Variants in GATAD2B observed in about 807,000 individuals in gnomAD.
The protein encoded by GATAD2B is transcriptional repressor p66-beta.
A neutral mutation model predicts 64.3 loss-of-function variants in GATAD2B; 8 were observed. The ratio of observed to expected loss-of-function variants is 0.12; its 90% CI spans 0.07 to 0.22. The LOEUF (loss-of-function observed/expected upper bound fraction) is 0.22, where lower values mean the gene tolerates loss of function less well. Among genes scored for constraint, GATAD2B ranks in the 10% least tolerant of loss-of-function variants. The pLI, the probability that GATAD2B is intolerant of heterozygous loss-of-function variation, is 1.00. For synonymous variants in GATAD2B, 281 were observed against 271.3 expected, an observed-to-expected ratio of 1.04 and a Z score of -0.35; for missense variants, 453 against 752.0, an observed-to-expected ratio of 0.60 and a Z score of 4.65.
At chr1:153,835,340 T>C (rs776700542) in intron 1 of GATAD2B, among the ~76,000 whole-genome samples, 2 of 152,086 alleles carry the variant, frequency 1.3e-5, no homozygotes, top group African/African-American at 4.8e-5. Context: ...GTGGATAAAA[T>C]GGTATTAAAC....
Position 153,818,077 on chromosome 1 carries a change from G to T in GATAD2B, c.692C>A (p.Ala231Asp). ...CAAATTTTGAGGTTCAACCCCTTGG[G>T]CCCCAGGCCGAGAGGGAAGCTTAGA... ...GLSKLPSRPG[A>D]QGVEPQNLRT... Residue 231 changes from alanine (A) to aspartate (D), a missense_variant, in exon 5 of 11, where the codon GCC (alanine) becomes GAC (aspartate). Transcript: ENST00000368655. The T allele has an allele frequency of 6.2e-7, 1 of 1,612,172 alleles. No individual in the cohort carries two copies. The highest frequency in any genetic ancestry group is 8.5e-7 in the Non-Finnish European group (1 of 1,179,226).
chr1:153,909,812 G>A (rs1427710663), intron 1 of GATAD2B, among the ~76,000 whole-genome samples: 1 of 151,688 alleles, frequency 6.6e-6, no homozygotes, highest in Non-Finnish European at 1.5e-5. Flanking sequence ...GCTGGGTGTG[G>A]TGGCACACAC....
chr1:153,836,696 C>T (rs1440159248), intron 1 of GATAD2B, among the ~76,000 whole-genome samples: 1 of 152,056 alleles, frequency 6.6e-6, no homozygotes, highest in Non-Finnish European at 1.5e-5. Flanking sequence ...GTACACATAG[C>T]AAGATATACA....
intron 1 of GATAD2B, among the ~76,000 whole-genome samples, chr1:153,892,163 CAA>C (rs900308080): frequency 1.4e-4 from 7 of 50,318 alleles, no homozygotes; most frequent in African/African-American, 3.9e-4. Context: ...GACTCCGTCT[CAA>C]AAAAAAAAAA....
intron 1 of GATAD2B, among the ~76,000 whole-genome samples, chr1:153,875,985 T>C (rs1055371518): frequency 5.3e-5 from 8 of 151,824 alleles, no homozygotes; most frequent in African/African-American, 1.5e-4. Context: ...TCCCAGCACT[T>C]TGAGAGGCCA....
Position 153,810,386 on chromosome 1 carries a change from T to G in GATAD2B, c.1649-76A>C, listed in dbSNP as rs1674254004. 2.0e-6 allele frequency: 3 copies of G among 1,479,622 alleles called. No homozygotes were observed. In the African/African-American group the frequency reaches 4.2e-5, roughly 21 times the overall value. 91.7% of individuals were successfully genotyped at this position (1,479,622 alleles called of 1,614,324 possible). A position where few individuals can be genotyped will look rare whatever the true frequency, so the allele number is the denominator to read the frequency against. On this transcript the variant is annotated intron_variant, in intron 10 of 10. Coordinates refer to ENST00000368655, the MANE Select transcript of GATAD2B (RefSeq NM_020699.4). ...ATTCCCTTCCACTCTACCCTCGGGC[T>G]GCAGAGTTGGAGATGGAAAGGAAGC...
At chr1:153,826,843 G>T (rs1436712464) in intron 2 of GATAD2B, among the ~76,000 whole-genome samples, 2 of 151,766 alleles carry the variant, frequency 1.3e-5, no homozygotes, top group African/African-American at 2.4e-5. Flanking sequence ...TGGGAGGCTA[G>T]GGCGCGAAGA....
intron 1 of GATAD2B, among the ~76,000 whole-genome samples, chr1:153,911,211 C>T (rs1378754877): frequency 1.3e-5 from 2 of 152,106 alleles, no homozygotes; most frequent in Non-Finnish European, 2.9e-5. Context: ...ATACTATTTG[C>T]TCATATCCAG....
intron 1 of GATAD2B, among the ~76,000 whole-genome samples, chr1:153,913,837 G>A (rs927188351): frequency 2.6e-5 from 4 of 151,138 alleles, no homozygotes; most frequent in African/African-American, 9.7e-5. Flanking sequence ...GGAGAATGGC[G>A]TGAACCCGGG....
intron 1 of GATAD2B, among the ~76,000 whole-genome samples, chr1:153,877,093 G>C (rs908729956): frequency 6.6e-6 from 1 of 152,156 alleles, no homozygotes; most frequent in Non-Finnish European, 1.5e-5. Context: ...CCAGCACTTT[G>C]GGGGGCTAAG....
intron 1 of GATAD2B, among the ~76,000 whole-genome samples, chr1:153,851,165 G>A (rs1675885074): frequency 6.6e-6 from 1 of 152,026 alleles, no homozygotes; most frequent in African/African-American, 2.4e-5. Context: ...CTATGAATCT[G>A]ACTAGATACC....
rs1038425972 is a variant in GATAD2B at position 153,903,173 on chromosome 1, G to A, written c.-2+19560C>T. On this transcript the variant is annotated intron_variant, in intron 1 of 10. Coordinates refer to ENST00000368655, the MANE Select transcript of GATAD2B (RefSeq NM_020699.4). ...GCGGAGCTTGCAGTGAACCGAGATC[G>A]CTCCACTGCACTCCAGCCTGGGCGA... is the stretch of plus-strand genomic sequence containing the variant. Among the ~76,000 whole-genome samples the A allele has an allele frequency of 6.6e-5, 10 of 151,476 alleles. No homozygotes were observed. The East Asian group carries it at 1.4e-3, about 21-fold the overall frequency.
At chr1:153,881,497 A>C (rs1677009042) in intron 1 of GATAD2B, among the ~76,000 whole-genome samples, 1 of 152,186 alleles carries the variant, frequency 6.6e-6, no homozygotes, top group African/African-American at 2.4e-5. Context: ...TTCTGCAACA[A>C]ATTTTTTTAA....
At chr1:153,874,693 C>CA (rs1676770650) in intron 1 of GATAD2B, among the ~76,000 whole-genome samples, 1 of 152,006 alleles carries the variant, frequency 6.6e-6, no homozygotes, top group Non-Finnish European at 1.5e-5. Flanking sequence ...TCTCCTGTCT[C>CA]AGTCTCCCAA....
At position 153,807,459 on chromosome 1, in the gene GATAD2B, C is replaced by CGATTA. The variant is rs1240917869; in HGVS notation, c.*2717_*2718insTAATC. On this transcript the variant is annotated 3_prime_UTR_variant, in exon 11 of 11. Transcript: ENST00000368655. ...GGGAGACCTCACCTCCATCACTAATCCCTGGGAAGAGTATGAAAATGGGGA... is the reference window on the plus strand; with the variant it reads ...GGGAGACCTCACCTCCATCACTAATCGATTACCTGGGAAGAGTATGAAAATGGGGA... 1 of 152,132 alleles carries CGATTA rather than the reference C, an allele frequency of 6.6e-6. No individual in the cohort carries two copies. The highest frequency in any genetic ancestry group is 1.5e-5 in the Non-Finnish European group (1 of 68,056). The allele number at this position is 152,132 out of a possible 1,614,324, so 9.4% of individuals were successfully genotyped here. A position where few individuals can be genotyped will look rare whatever the true frequency, so the allele number is the denominator to read the frequency against.
Position 153,828,319 on chromosome 1 carries a change from C to T in GATAD2B, c.29G>A (p.Arg10His), listed in dbSNP as rs1674955160. 7 of 1,611,102 alleles carry T rather than the reference C, an allele frequency of 4.3e-6. No homozygotes were observed. The highest frequency in any genetic ancestry group is 1.7e-5 in the Admixed American group (1 of 59,980). Residue 10 changes from arginine to histidine, a missense_variant, in exon 2 of 11, where the codon CGC becomes CAC. Around this residue, in one of 2 missense-constraint regions of GATAD2B, gnomAD observed 293 missense variants for 417.2 expected, o/e 0.70. Transcript: ENST00000368655. ...CAAGCTCCGCTTCAACAGATTCAAG[C>T]GAAGAGCATCTTCTGTCATTCTATC... MDRMTEDAL[R>H]LNLLKRSLDP...
chr1:153,887,940 AG>A (rs760827232), intron 1 of GATAD2B, among the ~76,000 whole-genome samples: 162 of 152,172 alleles, frequency 1.1e-3, no homozygotes, highest in Non-Finnish European at 1.5e-3. Flanking sequence ...TACAAAAATT[AG>A]CCGGGCATGG....
At chr1:153,880,299 T>TA (rs1198836993) in intron 1 of GATAD2B, among the ~76,000 whole-genome samples, 8 of 150,436 alleles carry the variant, frequency 5.3e-5, no homozygotes, top group Non-Finnish European at 8.9e-5. Context: ...CTGTCTCTAC[T>TA]AAAAAAAAAT....
intron 8 of GATAD2B, 188 bp from the exon 9 acceptor site, chr1:153,812,320 T>C (rs554942103): frequency 9.2e-6 from 5 of 546,172 alleles, no homozygotes; most frequent in Admixed American, 3.3e-5. Context: ...CATGAATCAC[T>C]GCACCTGGCC....
Sources: gnomAD v4.1 joint callset for allele counts (sites outside exome capture counted in the v4.1 genomes callset) on GRCh38, gnomAD v4.1.1 for gene constraint, gnomAD v4.1.1 regional missense constraint, MANE v1.5 for transcripts, NCBI Gene and HGNC (gene_info 2026-07-23, HGNC 2026-07-21) for gene names.